Variants in SMTNL2 observed in about 807,000 individuals in gnomAD.
SMTNL2 encodes smoothelin-like protein 2.
A neutral mutation model predicts 44.1 loss-of-function variants in SMTNL2; 43 were observed. The observed-to-expected ratio is 0.98, with a 90% confidence interval of 0.76 to 1.26. The LOEUF (loss-of-function observed/expected upper bound fraction) is 1.26, where lower values mean the gene tolerates loss of function less well. Ranked by LOEUF, SMTNL2 falls within the 50% of genes most tolerant of loss-of-function variation. The pLI, the probability that SMTNL2 is intolerant of heterozygous loss-of-function variation, is 0.00. For missense variants in SMTNL2, 646 were observed against 670.2 expected (o/e 0.96, Z 0.40); for synonymous variants, 317 against 287.6 (o/e 1.10, Z -1.03).
Position 4,607,276 on chromosome 17 carries a change from C to G in SMTNL2, c.1260-85C>G. ...TCTGGCTGCCGGCTGAGCTCTGTTC[C>G]CGGGACCGAGACACCGGCCCTGTCG... On this transcript the variant is annotated intron_variant, in intron 7 of 7. Coordinates refer to ENST00000389313, the MANE Select transcript of SMTNL2 (RefSeq NM_001114974.2). The surrounding 1 kb of genome is among the most constrained non-coding windows in gnomAD (Gnocchi z 4.7). The G allele has an allele frequency of 2.5e-6, 4 of 1,587,252 alleles. No individual in the cohort carries two copies. The highest frequency in any genetic ancestry group is 3.4e-6 in the Non-Finnish European group (4 of 1,164,956).
At chr17:4,585,027 G>C in intron 1 of SMTNL2, 23 bp downstream of exon 1, 2 of 1,304,824 alleles carry the variant, frequency 1.5e-6, no homozygotes, top group African/African-American at 1.6e-5. Flanking sequence ...GAGCGCGTGC[G>C]CTGGCGCCAG....
chr17:4,596,971 C>T lies in SMTNL2; in HGVS notation c.1101C>T (p.Gly367=), dbSNP rs746043245. ...LLEWCRSKTL[G]YQHVDLQNFS... is the part of the protein sequence containing the mutation. Reference sequence around the variant, plus strand: ...AGTGGTGCCGCAGCAAGACGCTGGGCTACCAGGTGAGCCCCGGCTCCCCTC... The same window carrying T: ...AGTGGTGCCGCAGCAAGACGCTGGGTTACCAGGTGAGCCCCGGCTCCCCTC... The change falls in exon 6 of 8, where the codon GGC becomes GGT. Residue 367 remains glycine, a synonymous_variant. Coordinates refer to ENST00000389313, the MANE Select transcript of SMTNL2 (RefSeq NM_001114974.2). 4.0e-6 allele frequency: 6 copies of T among 1,508,740 alleles called. No homozygotes were observed. The South Asian group carries it at 7.5e-5, about 19-fold the overall frequency. 93.5% of individuals were successfully genotyped at this position (1,508,740 alleles called of 1,614,324 possible). A position where few individuals can be genotyped will look rare whatever the true frequency, so the allele number is the denominator to read the frequency against.
In SMTNL2 at chr17:4,600,127, G is replaced by A. The variant is rs1023247151; in HGVS notation, c.1259+2804G>A. Among the ~76,000 whole-genome samples the A allele has an allele frequency of 6.6e-6, 1 of 152,224 alleles. No homozygotes were observed. Among genetic ancestry groups the A allele is most frequent in the Non-Finnish European group, 1.5e-5 (1 of 68,038 alleles). On this transcript the variant is annotated intron_variant, in intron 7 of 7. Coordinates refer to ENST00000389313, the MANE Select transcript of SMTNL2 (RefSeq NM_001114974.2). The surrounding 1 kb of genome is among the most constrained non-coding windows in gnomAD (Gnocchi z 4.7). ...GTAAGATTATCTCCCAGGTACTAGGGGGAGAGGGCTGGGAAGACTGGCTCG... is the reference window on the plus strand; with the variant it reads ...GTAAGATTATCTCCCAGGTACTAGGAGGAGAGGGCTGGGAAGACTGGCTCG...
At position 4,592,429 on chromosome 17, in the gene SMTNL2, T is replaced by C. The variant is rs1457587149; in HGVS notation, c.468T>C (p.Asn156=). 6.2e-7 allele frequency: 1 copy of C among 1,611,834 alleles called. No homozygotes were observed. Among genetic ancestry groups the C allele is most frequent in the Admixed American group, 1.7e-5 (1 of 59,846 alleles). The stretch of plus-strand genomic sequence containing the variant: ...CCTCAAACTCCTGCATCATGGAAAA[T>C]GGGCACCAGCCGGGGGCAGGTAGGG... ...RKTSNSCIME[N]GHQPGAGPGD... is the part of the protein sequence containing the mutation. The change falls in exon 2 of 8, where the codon AAT becomes AAC. Residue 156 remains asparagine, a synonymous_variant. Coordinates refer to ENST00000389313, the MANE Select transcript of SMTNL2 (RefSeq NM_001114974.2). The surrounding 1 kb of genome is among the most constrained non-coding windows in gnomAD (Gnocchi z 4.5).
At chr17:4,599,092 A>G (rs73333772) in intron 7 of SMTNL2, among the ~76,000 whole-genome samples, 2,896 of 152,272 alleles carry the variant, frequency 0.019, 85 homozygotes, top group African/African-American at 0.059. Context: ...TCTCTCTCCG[A>G]GGGCAGAATC....
chr17:4,585,898 T>C (rs1909330284), intron 1 of SMTNL2, among the ~76,000 whole-genome samples: 1 of 151,944 alleles, frequency 6.6e-6, no homozygotes, highest in African/African-American at 2.4e-5. Context: ...TGGAGGAGGG[T>C]ATCAGATTGG....
Position 4,601,133 on chromosome 17 carries a change from G to A in SMTNL2, c.1259+3810G>A, listed in dbSNP as rs562872029. Among the ~76,000 whole-genome samples the A allele has an allele frequency of 5.9e-5, 9 of 152,322 alleles. No individual in the cohort carries two copies. In the East Asian group the frequency reaches 1.2e-3, roughly 20 times the overall value. On this transcript the variant is annotated intron_variant, in intron 7 of 7. Coordinates refer to ENST00000389313, the MANE Select transcript of SMTNL2 (RefSeq NM_001114974.2). Reference sequence around the variant, plus strand: ...AAAAATGGTCGTCGGGATTGGCCGCGCACAGTGGCTCATGCCTGCGATCCA... The same window carrying A: ...AAAAATGGTCGTCGGGATTGGCCGCACACAGTGGCTCATGCCTGCGATCCA...
chr17:4,592,540 T>C lies in SMTNL2; in HGVS notation c.487+92T>C. On this transcript the variant is annotated intron_variant, in intron 2 of 7. Transcript: ENST00000389313. This position sits in a 1 kb window ranked among gnomAD's most constrained non-coding sequence, Gnocchi z 4.5. ...ATCTGTGCCAGGCTGGCCCTTGGCC[T>C]GGCATCGGGGGGACTCTATCCTGAA... is the stretch of plus-strand genomic sequence containing the variant. The C allele has an allele frequency of 8.0e-7, 1 of 1,251,650 alleles. No homozygotes were observed. Among genetic ancestry groups the C allele is most frequent in the South Asian group, 1.4e-5 (1 of 71,282 alleles). 77.5% of individuals were successfully genotyped at this position (1,251,650 alleles called of 1,614,324 possible).
chr17:4,590,485 T>G (rs1276162905), intron 1 of SMTNL2, among the ~76,000 whole-genome samples: 1 of 151,990 alleles, frequency 6.6e-6, no homozygotes, highest in East Asian at 1.9e-4. Flanking sequence ...TCCATGTTCG[T>G]CCTTCTTTTC....
At chr17:4,594,380 C>T (rs1041773183) in intron 4 of SMTNL2, among the ~76,000 whole-genome samples, 11 of 151,970 alleles carry the variant, frequency 7.2e-5, no homozygotes, top group African/African-American at 2.2e-4. Context: ...ACTCGGGAAG[C>T]GGAGTTTGCA....
At position 4,598,435 on chromosome 17, in the gene SMTNL2, T is replaced by C. The variant is rs1909904510; in HGVS notation, c.1259+1112T>C. ...CTTCTGGAGGGCGCGTTTGTTATTC[T>C]CTCCCTGCCTTTGTGCCTTGTGTTG... On this transcript the variant is annotated intron_variant, in intron 7 of 7. Transcript: ENST00000389313. The surrounding 1 kb of genome is among the most constrained non-coding windows in gnomAD (Gnocchi z 4.8). Among the ~76,000 whole-genome samples the C allele has an allele frequency of 1.3e-5, 2 of 152,218 alleles. No individual in the cohort carries two copies. The highest frequency in any genetic ancestry group is 4.8e-5 in the African/African-American group (2 of 41,450).
At position 4,592,567 on chromosome 17, in the gene SMTNL2, C is replaced by T. The variant is rs1173730543; in HGVS notation, c.487+119C>T. ...GCATCGGGGGGACTCTATCCTGAAC[C>T]CCAGCAGGGAGAGAGGCTGCCAGGA... On this transcript the variant is annotated intron_variant, in intron 2 of 7. Coordinates refer to ENST00000389313, the MANE Select transcript of SMTNL2 (RefSeq NM_001114974.2). This position sits in a 1 kb window ranked among gnomAD's most constrained non-coding sequence, Gnocchi z 4.5. The T allele has an allele frequency of 2.2e-6, 2 of 918,664 alleles. No individual in the cohort carries two copies. Among genetic ancestry groups the T allele is most frequent in the Non-Finnish European group, 3.2e-6 (2 of 616,878 alleles). 56.9% of individuals were successfully genotyped at this position (918,664 alleles called of 1,614,324 possible).
chr17:4,588,013 T>C, intron 1 of SMTNL2, among the ~76,000 whole-genome samples: 1 of 152,228 alleles, frequency 6.6e-6, no homozygotes, highest in East Asian at 1.9e-4. Context: ...AGGAGCCCCA[T>C]GTCAGAGGCC....
chr17:4,604,353 G>T (rs1910177921), intron 7 of SMTNL2, among the ~76,000 whole-genome samples: 1 of 152,308 alleles, frequency 6.6e-6, no homozygotes, highest in South Asian at 2.1e-4. Flanking sequence ...AGCAGGAGGT[G>T]GGGAGGGGAT....
At chr17:4,602,197 G>C (rs995889037) in intron 7 of SMTNL2, among the ~76,000 whole-genome samples, 1 of 151,900 alleles carries the variant, frequency 6.6e-6, no homozygotes, top group Admixed American at 6.6e-5. Context: ...GAAAGGAAAT[G>C]CTCATTGGCG....
At chr17:4,586,459 TA>T (rs529181794) in intron 1 of SMTNL2, among the ~76,000 whole-genome samples, 8,837 of 144,882 alleles carry the variant, frequency 0.061, 576 homozygotes, top group African/African-American at 0.17. Flanking sequence ...CTGTCCAAAT[TA>T]AAAAAAAAAA....
intron 1 of SMTNL2, among the ~76,000 whole-genome samples, chr17:4,590,269 G>C (rs966838327): frequency 6.6e-6 from 1 of 151,906 alleles, no homozygotes. Context: ...GCCTGGCCCC[G>C]TGCCTGGCTT....
At chr17:4,589,127 G>T (rs1909458801) in intron 1 of SMTNL2, among the ~76,000 whole-genome samples, 2 of 152,144 alleles carry the variant, frequency 1.3e-5, no homozygotes, top group Non-Finnish European at 2.9e-5. Context: ...CCTTAGCAGT[G>T]ATCTAACCAG....
At position 4,596,954 on chromosome 17, in the gene SMTNL2, C is replaced by T. The variant is rs527741184; in HGVS notation, c.1084C>T (p.Arg362Cys). ...SIKQILLEWC[R>C]SKTLGYQHVD... ...CAAGCAGATCCTGCTCGAGTGGTGC[C>T]GCAGCAAGACGCTGGGCTACCAGGT... The change falls in exon 6 of 8, where the codon CGC (arginine) becomes TGC (cysteine). Residue 362 changes from arginine to cysteine, a missense_variant. Coordinates refer to ENST00000389313, the MANE Select transcript of SMTNL2 (RefSeq NM_001114974.2). The T allele has an allele frequency of 6.5e-5, 98 of 1,519,168 alleles. No individual in the cohort carries two copies. Among genetic ancestry groups the T allele is most frequent in the East Asian group, 5.0e-5 (2 of 40,240 alleles). 94.1% of individuals were successfully genotyped at this position (1,519,168 alleles called of 1,614,324 possible).
Sources: allele counts gnomAD v4.1 joint callset (sites outside exome capture counted in the v4.1 genomes callset), GRCh38; gene constraint gnomAD v4.1.1; non-coding constraint Gnocchi (gnomAD v3.1); transcripts MANE v1.5; gene names NCBI Gene and HGNC (gene_info 2026-07-23, HGNC 2026-07-21).